Variants in TMEM132D observed in about 807,000 individuals in gnomAD.
TMEM132D encodes transmembrane protein 132D.
A neutral mutation model predicts 62.3 loss-of-function variants in TMEM132D; 21 were observed. The observed-to-expected ratio is 0.34, with a 90% confidence interval of 0.24 to 0.49. The LOEUF is 0.49. Among genes scored for constraint, TMEM132D ranks in the 20% least tolerant of loss-of-function variants. The probability of loss-of-function intolerance (pLI) is 0.99; values close to 1 mark genes in which losing one functional copy is unlikely to be tolerated. For missense variants in TMEM132D, 1,346 were observed against 1,402.8 expected, an observed-to-expected ratio of 0.96 and a Z score of 0.65; for synonymous variants, 621 against 575.6, an observed-to-expected ratio of 1.08 and a Z score of -1.13.
At chr12:129,814,552 A>C (rs1035698083) in intron 1 of TMEM132D, among the ~76,000 whole-genome samples, 2 of 141,518 alleles carry the variant, frequency 1.4e-5, no homozygotes, top group Non-Finnish European at 3.0e-5. Flanking sequence ...CAGAGGTTGC[A>C]GTGAGCCGAG....
intron 3 of TMEM132D, among the ~76,000 whole-genome samples, chr12:129,455,087 A>AAC (rs1873425022): frequency 6.6e-6 from 1 of 152,226 alleles, no homozygotes; most frequent in South Asian, 2.1e-4. Context: ...ACCAATGAAT[A>AAC]ATTCTGCTGC....
chr12:129,796,941 G>A (rs889696042), intron 1 of TMEM132D, among the ~76,000 whole-genome samples: 4 of 152,068 alleles, frequency 2.6e-5, no homozygotes, highest in South Asian at 2.1e-4. Flanking sequence ...CCACTACCTC[G>A]TCTCAATGAC....
chr12:129,328,660 T>C (rs532891525), intron 4 of TMEM132D, among the ~76,000 whole-genome samples: 8 of 152,350 alleles, frequency 5.3e-5, no homozygotes, highest in African/African-American at 1.9e-4. Context: ...ACTTTTTCTA[T>C]TTCAATAAGA....
chr12:129,818,719 C>T (rs1341172751), intron 1 of TMEM132D, among the ~76,000 whole-genome samples: 1 of 151,904 alleles, frequency 6.6e-6, no homozygotes, highest in African/African-American at 2.4e-5. Flanking sequence ...CACACACAGA[C>T]TGTGGCTGAA....
chr12:129,186,291 T>C (rs1878220381), intron 5 of TMEM132D, among the ~76,000 whole-genome samples: 1 of 152,186 alleles, frequency 6.6e-6, no homozygotes, highest in South Asian at 2.1e-4. Flanking sequence ...GGTTGGCAGC[T>C]CCCTTGGCAG....
At chr12:129,573,226 C>A (rs866340874) in intron 2 of TMEM132D, among the ~76,000 whole-genome samples, 2 of 151,976 alleles carry the variant, frequency 1.3e-5, no homozygotes, top group Non-Finnish European at 2.9e-5. Flanking sequence ...TGGTTGTGGG[C>A]CGGGCTGGGG....
At chr12:129,676,643 G>A (rs1880639174) in intron 2 of TMEM132D, among the ~76,000 whole-genome samples, 1 of 152,118 alleles carries the variant, frequency 6.6e-6, no homozygotes, top group Non-Finnish European at 1.5e-5. Context: ...ACTTATTACT[G>A]CGGGGAGGGC....
At chr12:129,482,184 A>G (rs915281004) in intron 3 of TMEM132D, among the ~76,000 whole-genome samples, 1 of 152,198 alleles carries the variant, frequency 6.6e-6, no homozygotes, top group Non-Finnish European at 1.5e-5. Flanking sequence ...GCCATGGAGT[A>G]CGGCCAAGCC....
In TMEM132D at chr12:129,110,309, G is replaced by C. The variant is rs1875649512; in HGVS notation, c.1444-25607C>G. The C allele has an allele frequency of 2.0e-5, 3 of 152,140 alleles. No individual in the cohort carries two copies. In the South Asian group the frequency reaches 6.2e-4, roughly 32 times the overall value. 9.4% of individuals were successfully genotyped at this position (152,140 alleles called of 1,614,324 possible). The stretch of plus-strand genomic sequence containing the variant: ...TGTGATGTGAGAGTTAGGGGCGAGG[G>C]AGGAAAACAGCCAGCTCCACTACCT... On this transcript the variant is annotated intron_variant, in intron 5 of 8. Transcript: ENST00000422113.
At chr12:129,460,440 G>A (rs1244846823) in intron 3 of TMEM132D, among the ~76,000 whole-genome samples, 2 of 152,206 alleles carry the variant, frequency 1.3e-5, no homozygotes, top group East Asian at 1.9e-4. Flanking sequence ...AGGCTGCCGG[G>A]ATCTGAGTAG....
intron 2 of TMEM132D, among the ~76,000 whole-genome samples, chr12:129,548,499 T>G (rs907437977): frequency 6.6e-6 from 1 of 152,218 alleles, no homozygotes; most frequent in Non-Finnish European, 1.5e-5. Flanking sequence ...CGCCATAAAA[T>G]CTGGCTTTCA....
At chr12:129,313,072 C>T (rs997336798) in intron 4 of TMEM132D, among the ~76,000 whole-genome samples, 20 of 152,102 alleles carry the variant, frequency 1.3e-4, no homozygotes, top group African/African-American at 4.1e-4. Flanking sequence ...AGTTTGATTC[C>T]GGACACACTA....
chr12:129,308,890 C>G (rs990160208), intron 4 of TMEM132D, among the ~76,000 whole-genome samples: 1 of 152,204 alleles, frequency 6.6e-6, no homozygotes, highest in Non-Finnish European at 1.5e-5. Flanking sequence ...TATTGATCAA[C>G]TTACCATTTT....
chr12:129,465,285 T>C (rs1873846545), intron 3 of TMEM132D, among the ~76,000 whole-genome samples: 1 of 152,156 alleles, frequency 6.6e-6, no homozygotes, highest in South Asian at 2.1e-4. Context: ...TAAGTATTGA[T>C]GGGACGTATC....
In TMEM132D at chr12:129,860,726, T is replaced by C. The variant is rs147600716; in HGVS notation, c.79+42535A>G. 1.7e-3 allele frequency among the ~76,000 whole-genome samples: 264 copies of C among 152,322 alleles called. 1 individual carries two copies. The highest frequency in any genetic ancestry group is 6.1e-3 in the African/African-American group (252 of 41,560). On this transcript the variant is annotated intron_variant, in intron 1 of 8. Transcript: ENST00000422113. The stretch of plus-strand genomic sequence containing the variant: ...AAGAGGTTTAATTGACTCACAGTTC[T>C]GCAGGGCTGGGGAGGCCTCAGGAAA...
At chr12:129,322,679 G>A (rs1868762577) in intron 4 of TMEM132D, among the ~76,000 whole-genome samples, 1 of 151,942 alleles carries the variant, frequency 6.6e-6, no homozygotes, top group South Asian at 2.1e-4. Flanking sequence ...TACACTAGAA[G>A]GCTAAATTTG....
intron 2 of TMEM132D, among the ~76,000 whole-genome samples, chr12:129,663,541 T>C (rs531155661): frequency 6.6e-5 from 10 of 152,304 alleles, no homozygotes; most frequent in Admixed American, 2.0e-4. Context: ...CAGTCAACCC[T>C]AGCCACAAAG....
intron 1 of TMEM132D, among the ~76,000 whole-genome samples, chr12:129,794,367 G>A (rs968198812): frequency 6.7e-6 from 1 of 149,792 alleles, no homozygotes; most frequent in Non-Finnish European, 1.5e-5. Context: ...CTCCCAGAAT[G>A]CTGGAATGAC....
chr12:129,339,768 T>C (rs555897990), intron 3 of TMEM132D, among the ~76,000 whole-genome samples: 22 of 152,326 alleles, frequency 1.4e-4, no homozygotes, highest in African/African-American at 4.8e-4. Context: ...TCCGAGTCTG[T>C]GGGCCTCGCC....
Sources: allele counts gnomAD v4.1 joint callset (sites outside exome capture counted in the v4.1 genomes callset), GRCh38; gene constraint gnomAD v4.1.1; transcripts MANE v1.5; gene names NCBI Gene and HGNC (gene_info 2026-07-23, HGNC 2026-07-21).